The following ST8SIA1 variants were observed in gnomAD, a reference collection of about 807,000 sequenced individuals.
ST8SIA1 encodes the protein alpha-N-acetylneuraminide alpha-2,8-sialyltransferase.
ST8SIA1 carries 16 observed loss-of-function variants against 35.9 expected under a neutral mutation model. The observed-to-expected ratio is 0.45, with a 90% confidence interval of 0.30 to 0.68. The LOEUF is 0.68. Among genes scored for constraint, ST8SIA1 ranks in the 30% least tolerant of loss-of-function variants. The pLI is 0.09. For missense variants in ST8SIA1, 383 were observed against 453.6 expected, an observed-to-expected ratio of 0.84 and a Z score of 1.41; for synonymous variants, 170 against 169.6, an observed-to-expected ratio of 1.00 and a Z score of -0.02.
At chr12:22,238,255 G>T (rs1445470598) in intron 4 of ST8SIA1, among the ~76,000 whole-genome samples, 1 of 152,170 alleles carries the variant, frequency 6.6e-6, no homozygotes, top group Non-Finnish European at 1.5e-5. Context: ...AGAGTATGAT[G>T]AAAGTGATGC....
At chr12:22,215,650 G>A (rs1865226411) in intron 4 of ST8SIA1, among the ~76,000 whole-genome samples, 1 of 152,170 alleles carries the variant, frequency 6.6e-6, no homozygotes. Flanking sequence ...TATCTATTGT[G>A]ACAACCACAT....
intron 4 of ST8SIA1, among the ~76,000 whole-genome samples, chr12:22,246,818 A>C (rs1865609789): frequency 6.6e-6 from 1 of 152,160 alleles, no homozygotes; most frequent in Admixed American, 6.5e-5. Flanking sequence ...AAATTAAAAT[A>C]GCTTCTGTCT....
Position 22,334,265 on chromosome 12 carries a change from G to A in ST8SIA1, c.-33C>T. On this transcript the variant is annotated 5_prime_UTR_variant, in exon 1 of 5. Coordinates refer to ENST00000396037, the MANE Select transcript of ST8SIA1 (RefSeq NM_003034.4). ...CCGGCGTCCCAGGGGCGGGGGCCGG[G>A]GCCTCAGCACAAAGCTAGGCGAAGT... 7.0e-6 allele frequency: 11 copies of A among 1,577,406 alleles called. No individual in the cohort carries two copies. The highest frequency in any genetic ancestry group is 9.5e-6 in the Non-Finnish European group (11 of 1,155,206).
chr12:22,216,007 C>CT (rs2120648667), intron 4 of ST8SIA1, among the ~76,000 whole-genome samples: 1 of 152,302 alleles, frequency 6.6e-6, no homozygotes, highest in South Asian at 2.1e-4. Context: ...AACCATTCCC[C>CT]TTTTCTGTGC....
At chr12:22,211,957 C>A (rs1363321062) in intron 4 of ST8SIA1, among the ~76,000 whole-genome samples, 1 of 152,156 alleles carries the variant, frequency 6.6e-6, no homozygotes, top group Non-Finnish European at 1.5e-5. Context: ...GTGATCCACG[C>A]ACCTCGGCCT....
chr12:22,223,768 AAATCCCTTTAAAT>A, intron 4 of ST8SIA1: 5 of 1,254,972 alleles, frequency 4.0e-6, no homozygotes, highest in Non-Finnish European at 5.1e-6. Flanking sequence ...GACAGCTGTA[AAATCCCTTTAAAT>A]AAACCCATTT....
At chr12:22,331,162 C>A (rs553810825) in intron 1 of ST8SIA1, among the ~76,000 whole-genome samples, 6 of 152,122 alleles carry the variant, frequency 3.9e-5, no homozygotes, top group Non-Finnish European at 7.4e-5. Context: ...AAAATAAAAT[C>A]TTAAATTTTG....
At chr12:22,221,710 CA>C (rs1486011880) in intron 4 of ST8SIA1, among the ~76,000 whole-genome samples, 4 of 152,148 alleles carry the variant, frequency 2.6e-5, no homozygotes, top group African/African-American at 7.2e-5. Context: ...TTGTTGAAAA[CA>C]GAACATCTAT....
Position 22,334,049 on chromosome 12 carries a change from G to A in ST8SIA1, c.184C>T (p.Leu62=). Residue 62 remains leucine, a synonymous_variant, in exon 1 of 5, where the codon CTG becomes TTG. Coordinates refer to ENST00000396037, the MANE Select transcript of ST8SIA1 (RefSeq NM_003034.4). ...PNEKEIVQGV[L]QQGTAWRRNQ... ...CTCCTCCACGCCGTGCCCTGTTGCA[G>A]CACCCCCTGCACGATCTCTTTCTCG... The A allele has an allele frequency of 6.2e-7, 1 of 1,614,068 alleles. No individual in the cohort carries two copies. Among genetic ancestry groups the A allele is most frequent in the Non-Finnish European group, 8.5e-7 (1 of 1,180,030 alleles).
rs1487208348 is a variant in ST8SIA1 at position 22,334,254 on chromosome 12, G to A, written c.-22C>T. The A allele has an allele frequency of 6.3e-7, 1 of 1,595,592 alleles. No individual in the cohort carries two copies. Among genetic ancestry groups the A allele is most frequent in the Non-Finnish European group, 8.6e-7 (1 of 1,168,968 alleles). ...TCATCGCAGCCCCGGCGTCCCAGGG[G>A]CGGGGGCCGGGGCCTCAGCACAAAG... On this transcript the variant is annotated 5_prime_UTR_variant, in exon 1 of 5. Transcript: ENST00000396037.
At position 22,334,706 on chromosome 12, in the gene ST8SIA1, A is replaced by AC. The variant is rs532500842; in HGVS notation, c.-475dup. On this transcript the variant is annotated 5_prime_UTR_variant, in exon 1 of 5. Coordinates refer to ENST00000396037, the MANE Select transcript of ST8SIA1 (RefSeq NM_003034.4). The stretch of plus-strand genomic sequence containing the variant: ...TCCCGCGCTGCTGCGCCGCCAGGCA[A>AC]CCCCCCCCCCCCCACCCCGCCCCGA... 5,469 of 64,338 alleles carry AC rather than the reference A, an allele frequency of 0.085. 251 individuals carry two copies. Among genetic ancestry groups the AC allele is most frequent in the South Asian group, 0.13 (195 of 1,502 alleles). 4.0% of individuals were successfully genotyped at this position (64,338 alleles called of 1,614,324 possible). A position where few individuals can be genotyped will look rare whatever the true frequency, so the allele number is the denominator to read the frequency against.
chr12:22,277,977 G>A (rs944404802), intron 2 of ST8SIA1, among the ~76,000 whole-genome samples: 4 of 152,258 alleles, frequency 2.6e-5, no homozygotes, highest in African/African-American at 7.2e-5. Flanking sequence ...GTGCAGAACC[G>A]GATCTATTTT....
rs370963090 is a variant in ST8SIA1, at chr12:22,283,432, G to A, written c.381+3717C>T. Among the ~76,000 whole-genome samples the A allele has an allele frequency of 1.1e-4, 16 of 152,212 alleles. No homozygotes were observed. In the East Asian group the frequency reaches 1.2e-3, roughly 11 times the overall value. ...ATAATTCCTGTAAACACTGGACCATGCAGGCTTAAAAGGGGCAGTTCCTGG... is the reference window on the plus strand; with the variant it reads ...ATAATTCCTGTAAACACTGGACCATACAGGCTTAAAAGGGGCAGTTCCTGG... On this transcript the variant is annotated intron_variant, in intron 2 of 4. Coordinates refer to ENST00000396037, the MANE Select transcript of ST8SIA1 (RefSeq NM_003034.4).
chr12:22,269,612 T>C (rs1421423626), intron 2 of ST8SIA1, among the ~76,000 whole-genome samples: 1 of 152,234 alleles, frequency 6.6e-6, no homozygotes, highest in East Asian at 1.9e-4. Context: ...ATTCCCATTT[T>C]TTCACTATGA....
At chr12:22,286,133 A>C (rs1866098592) in intron 2 of ST8SIA1, among the ~76,000 whole-genome samples, 1 of 152,208 alleles carries the variant, frequency 6.6e-6, no homozygotes, top group African/African-American at 2.4e-5. Flanking sequence ...GAGAGAAAAC[A>C]TGTAGATGCT....
intron 2 of ST8SIA1, among the ~76,000 whole-genome samples, chr12:22,258,759 A>C (rs1036212508): frequency 6.6e-6 from 1 of 152,274 alleles, no homozygotes; most frequent in African/African-American, 2.4e-5. Context: ...CCAACTAAAA[A>C]TCCCTTTAAT....
chr12:22,213,995 C>T (rs900599526), intron 4 of ST8SIA1, among the ~76,000 whole-genome samples: 21 of 152,140 alleles, frequency 1.4e-4, no homozygotes, highest in South Asian at 6.2e-4. Flanking sequence ...GGATTTCTGG[C>T]GACTGCTTTC....
intron 2 of ST8SIA1, among the ~76,000 whole-genome samples, chr12:22,276,896 A>G (rs566472148): frequency 3.3e-5 from 5 of 152,218 alleles, no homozygotes; most frequent in African/African-American, 1.2e-4. Flanking sequence ...ATGTCATTCA[A>G]CTGTATCTGC....
In ST8SIA1 at chr12:22,277,320, G is replaced by A. The variant is rs1591841947; in HGVS notation, c.381+9829C>T. On this transcript the variant is annotated intron_variant, in intron 2 of 4. Transcript: ENST00000396037. ...TTTACATTTTATAACAACAAAATTG[G>A]CAGAGGGTGGAGGATGTCACAGAAA... Among the ~76,000 whole-genome samples the A allele has an allele frequency of 2.0e-5, 3 of 151,804 alleles. No individual in the cohort carries two copies. In the East Asian group the frequency reaches 5.8e-4, roughly 29 times the overall value.
Sources: allele counts gnomAD v4.1 joint callset (sites outside exome capture counted in the v4.1 genomes callset), GRCh38; gene constraint gnomAD v4.1.1; transcripts MANE v1.5; gene names NCBI Gene and HGNC (gene_info 2026-07-23, HGNC 2026-07-21).